Variants in CAMTA1 observed in about 807,000 individuals in gnomAD.
The protein encoded by CAMTA1 is calmodulin binding transcription activator 1.
A neutral mutation model predicts 170.9 loss-of-function variants in CAMTA1; 27 were observed. The ratio of observed to expected loss-of-function variants is 0.16; its 90% CI spans 0.12 to 0.22. The LOEUF (loss-of-function observed/expected upper bound fraction) is 0.22. Among genes scored for constraint, CAMTA1 ranks in the 10% least tolerant of loss-of-function variants. CAMTA1 has a pLI of 1.00. For missense variants in CAMTA1, 1,619 were observed against 2,217.2 expected (o/e 0.73, Z 5.42); for synonymous variants, 833 against 891.5 (o/e 0.93, Z 1.17).
intron 4 of CAMTA1, among the ~76,000 whole-genome samples, chr1:7,174,906 A>T (rs1015605018): frequency 9.0e-4 from 137 of 152,284 alleles, no homozygotes; most frequent in African/African-American, 3.2e-3. Flanking sequence ...GGCAGAAGAG[A>T]TTGGCCTGAC....
chr1:7,049,016 C>T (rs552767767), intron 3 of CAMTA1, among the ~76,000 whole-genome samples: 2 of 152,312 alleles, frequency 1.3e-5, no homozygotes, highest in South Asian at 4.1e-4. Context: ...AAGTACAATG[C>T]GTGGCTTCAT....
At chr1:7,318,022 A>T (rs1182132778) in intron 5 of CAMTA1, among the ~76,000 whole-genome samples, 1 of 152,092 alleles carries the variant, frequency 6.6e-6, no homozygotes, top group East Asian at 1.9e-4. Flanking sequence ...GGCCTGGGGA[A>T]ATGGGCAGGT....
intron 3 of CAMTA1, among the ~76,000 whole-genome samples, chr1:7,031,504 A>G (rs1702790941): frequency 6.6e-6 from 1 of 152,098 alleles, no homozygotes; most frequent in Non-Finnish European, 1.5e-5. Context: ...TAGATAACAT[A>G]TAGTTTGGTC....
Position 7,041,162 on chromosome 1 carries a change from C to T in CAMTA1, c.235-50142C>T, listed in dbSNP as rs781720532. On this transcript the variant is annotated intron_variant, in intron 3 of 22. Transcript: ENST00000303635. The surrounding 1 kb of genome is among the most constrained non-coding windows in gnomAD (Gnocchi z 5.1). ...AAAGTTGGCCCCAAGCCAGTGCGGG[C>T]GACGGTGTCAGCCACCCTTGGTTCA... Among the ~76,000 whole-genome samples, 1 of 152,244 alleles carries T rather than the reference C, an allele frequency of 6.6e-6. No homozygotes were observed. Among genetic ancestry groups the T allele is most frequent in the Non-Finnish European group, 1.5e-5 (1 of 68,040 alleles).
intron 5 of CAMTA1, among the ~76,000 whole-genome samples, chr1:7,309,228 T>TCA (rs1335674186): frequency 6.6e-6 from 1 of 151,532 alleles, no homozygotes; most frequent in African/African-American, 2.4e-5. Flanking sequence ...CATCGTTGGG[T>TCA]CATGGTTCTT....
At chr1:6,878,786 C>T (rs1042589397) in intron 3 of CAMTA1, among the ~76,000 whole-genome samples, 1 of 152,218 alleles carries the variant, frequency 6.6e-6, no homozygotes, top group Non-Finnish European at 1.5e-5. Context: ...GCTTGGGCTT[C>T]ACCCATTCCA....
intron 11 of CAMTA1, among the ~76,000 whole-genome samples, chr1:7,727,147 G>C (rs1182624518): frequency 7.5e-6 from 1 of 133,408 alleles, no homozygotes; most frequent in Non-Finnish European, 1.6e-5. Context: ...TTTTGAGACA[G>C]AGTCTCGCTC....
chr1:7,460,159 G>T (rs990151787), intron 5 of CAMTA1, among the ~76,000 whole-genome samples: 1 of 152,254 alleles, frequency 6.6e-6, no homozygotes, highest in African/African-American at 2.4e-5. Flanking sequence ...CATGCGGGAC[G>T]CGGATGAGAG....
chr1:7,309,500 C>T (rs1247925976), intron 5 of CAMTA1, among the ~76,000 whole-genome samples: 52 of 151,008 alleles, frequency 3.4e-4, no homozygotes, highest in Non-Finnish European at 1.3e-4. Flanking sequence ...GGGGTTTCAC[C>T]GTTTTAGCCG....
chr1:7,427,462 G>A (rs546003680), intron 5 of CAMTA1, among the ~76,000 whole-genome samples: 5 of 152,214 alleles, frequency 3.3e-5, no homozygotes, highest in African/African-American at 4.8e-5. Context: ...CAAGCTGCAG[G>A]AAGCTCTGCA....
chr1:7,506,718 CAA>C (rs927668257), intron 6 of CAMTA1, among the ~76,000 whole-genome samples: 1 of 152,074 alleles, frequency 6.6e-6, no homozygotes, highest in South Asian at 2.1e-4. Flanking sequence ...CGCTCACACT[CAA>C]AATTCACACT....
intron 11 of CAMTA1, among the ~76,000 whole-genome samples, chr1:7,686,048 A>C (rs570749314): frequency 6.6e-6 from 1 of 152,118 alleles, no homozygotes; most frequent in Admixed American, 6.5e-5. Flanking sequence ...CAAACTAATC[A>C]ATTGTGCACG....
chr1:6,976,981 C>T (rs1693550435), intron 3 of CAMTA1, among the ~76,000 whole-genome samples: 2 of 152,194 alleles, frequency 1.3e-5, no homozygotes, highest in Non-Finnish European at 2.9e-5. Context: ...TAAGACATGC[C>T]TTCTCTTCTC....
chr1:7,493,650 G>C (rs973895498), intron 6 of CAMTA1, among the ~76,000 whole-genome samples: 4 of 22,338 alleles, frequency 1.8e-4, no homozygotes, highest in Non-Finnish European at 2.5e-4. Context: ...AACTGGGGGG[G>C]GGGGGGGGTC....
chr1:7,238,457 A>G (rs78851640), intron 4 of CAMTA1, among the ~76,000 whole-genome samples: 2,011 of 152,386 alleles, frequency 0.013, 42 homozygotes, highest in African/African-American at 0.047. Flanking sequence ...ATGTACGTGA[A>G]GAATAGAACA....
intron 7 of CAMTA1, among the ~76,000 whole-genome samples, chr1:7,646,762 G>T (rs80340435): frequency 1.6e-3 from 247 of 151,170 alleles, no homozygotes; most frequent in African/African-American, 5.9e-3. Context: ...GTGGGGTGGA[G>T]GCCACAGTGA....
chr1:7,097,804 G>C (rs1216318997), intron 4 of CAMTA1, among the ~76,000 whole-genome samples: 1 of 152,206 alleles, frequency 6.6e-6, no homozygotes, highest in African/African-American at 2.4e-5. Flanking sequence ...AGAATAGTCA[G>C]CTCTGGAGAT....
chr1:7,516,065 G>A (rs1196519557), intron 6 of CAMTA1, among the ~76,000 whole-genome samples: 1 of 152,168 alleles, frequency 6.6e-6, no homozygotes, highest in Non-Finnish European at 1.5e-5. Flanking sequence ...CCCCCACCAG[G>A]GCAGGAGAAC....
At chr1:7,460,194 C>T (rs1263497763) in intron 5 of CAMTA1, among the ~76,000 whole-genome samples, 2 of 152,266 alleles carry the variant, frequency 1.3e-5, no homozygotes, top group Admixed American at 1.3e-4. Context: ...CCGCCGTCCT[C>T]TCCCGTGGCG....
Sources: gnomAD v4.1 joint callset for allele counts (sites outside exome capture counted in the v4.1 genomes callset) on GRCh38, gnomAD v4.1.1 for gene constraint, Gnocchi (gnomAD v3.1) non-coding constraint, MANE v1.5 for transcripts, NCBI Gene and HGNC (gene_info 2026-07-23, HGNC 2026-07-21) for gene names.